LMTK2: variants seen among roughly 807,000 people sequenced by gnomAD.
LMTK2 encodes lemur tail kinase 2.
LMTK2 carries 37 observed loss-of-function variants against 127.5 expected under a neutral mutation model. The ratio of observed to expected loss-of-function variants is 0.29; its 90% confidence interval spans 0.22 to 0.38. LMTK2 has a LOEUF of 0.38. Among genes scored for constraint, LMTK2 ranks in the 10% least tolerant of loss-of-function variants. The probability of loss-of-function intolerance (pLI) is 1.00; values close to 1 mark genes in which losing one functional copy is unlikely to be tolerated. For missense variants in LMTK2, 1,694 were observed against 1,920.3 expected (o/e 0.88, Z 2.20); for synonymous variants, 819 against 810.1 (o/e 1.01, Z -0.19).
rs376886429 is a variant in LMTK2, at chr7:98,154,825, G to A, written c.518G>A (p.Ser173Asn). 10 of 1,613,730 alleles carry A rather than the reference G, an allele frequency of 6.2e-6. No homozygotes were observed. The highest frequency in any genetic ancestry group is 8.5e-6 in the Non-Finnish European group (10 of 1,179,746). ...ARVIVKELKA[S>N]ANPKEQDTFL... The stretch of plus-strand genomic sequence containing the variant: ...GTCATCGTGAAGGAGTTAAAAGCAA[G>A]TGCCAACCCAAAGGAACAAGATACT... The change falls in exon 5 of 14, where the codon AGT (serine) becomes AAT (asparagine). Residue 173 changes from serine (S) to asparagine (N), a missense_variant. Ser to Asn is a conservative substitution (Grantham distance 46, BLOSUM62 1). Around this residue, in one of 8 missense-constraint regions of LMTK2, gnomAD observed 203 missense variants for 226.2 expected, o/e 0.90. Transcript: ENST00000297293.
At chr7:98,135,731 A>G (rs1377186235) in intron 1 of LMTK2, among the ~76,000 whole-genome samples, 2 of 152,174 alleles carry the variant, frequency 1.3e-5, no homozygotes, top group Admixed American at 6.5e-5. Context: ...GTTGAATAAT[A>G]TGTTTTCCGG....
rs770403837 is a variant in LMTK2 at position 98,151,402 on chromosome 7, G to A, written c.397G>A (p.Ala133Thr). The A allele has an allele frequency of 6.2e-7, 1 of 1,612,898 alleles. No individual in the cohort carries two copies. Among genetic ancestry groups the A allele is most frequent in the Non-Finnish European group, 8.5e-7 (1 of 1,179,298 alleles). ...PSVEGLKSQV[A>T]RHSLNYIQEI... is the part of the protein sequence containing the mutation. ...TACAGAGGGATTGAAGTCTCAAGTT[G>A]CCCGCCACAGTCTAAACTACATACA... The change falls in exon 4 of 14, where the codon GCC (alanine) becomes ACC (threonine). Residue 133 changes from alanine to threonine, a missense_variant. Transcript: ENST00000297293.
intron 1 of LMTK2, among the ~76,000 whole-genome samples, chr7:98,128,638 A>G (rs1796477412): frequency 6.6e-6 from 1 of 152,192 alleles, no homozygotes; most frequent in African/African-American, 2.4e-5. Context: ...ACACGTTGGC[A>G]TAGAGGTCCG....
Position 98,145,670 on chromosome 7 carries a change from T to A in LMTK2, c.376+4129T>A, listed in dbSNP as rs951882964. Among the ~76,000 whole-genome samples the A allele has an allele frequency of 5.9e-5, 9 of 152,310 alleles. No homozygotes were observed. The East Asian group carries it at 1.5e-3, about 26-fold the overall frequency. On this transcript the variant is annotated intron_variant, in intron 3 of 13. Coordinates refer to ENST00000297293, the MANE Select transcript of LMTK2 (RefSeq NM_014916.4). ...AGGCTTTCTATTCTCTGTCATTAAT[T>A]TGTGTATTTCTTTTCCCAATACCAT...
intron 1 of LMTK2, among the ~76,000 whole-genome samples, chr7:98,113,729 C>G (rs1796237215): frequency 6.6e-6 from 1 of 152,176 alleles, no homozygotes; most frequent in South Asian, 2.1e-4. Flanking sequence ...ATTCCATTAT[C>G]AGCTTTTCTT....
chr7:98,152,200 A>G, intron 4 of LMTK2, among the ~76,000 whole-genome samples: 1 of 152,176 alleles, frequency 6.6e-6, no homozygotes, highest in Admixed American at 6.5e-5. Flanking sequence ...TAGCCCGTCA[A>G]GTGGCCTGTA....
At chr7:98,111,876 G>A (rs1293269076) in intron 1 of LMTK2, among the ~76,000 whole-genome samples, 1 of 152,176 alleles carries the variant, frequency 6.6e-6, no homozygotes, top group East Asian at 1.9e-4. Context: ...AGTCTAAGCT[G>A]GTATTGTTAC....
chr7:98,120,858 C>T (rs985026870), intron 1 of LMTK2, among the ~76,000 whole-genome samples: 1 of 152,116 alleles, frequency 6.6e-6, no homozygotes, highest in African/African-American at 2.4e-5. Context: ...ACCAAAATAG[C>T]CCCCTGGGAA....
At chr7:98,187,135 G>C (rs1797447868) in intron 9 of LMTK2, 137 bp downstream of exon 9, 2 of 786,766 alleles carry the variant, frequency 2.5e-6, no homozygotes, top group Non-Finnish European at 3.9e-6. Flanking sequence ...GAAAAAGACA[G>C]TTTAAAAGAC....
Position 98,209,398 on chromosome 7 carries a change from G to A in LMTK2, c.*3906G>A, listed in dbSNP as rs1246228330. The A allele has an allele frequency of 2.6e-5, 4 of 152,192 alleles. No individual in the cohort carries two copies. Among genetic ancestry groups the A allele is most frequent in the Non-Finnish European group, 4.4e-5 (3 of 68,030 alleles). The allele number at this position is 152,192 out of a possible 1,614,324, so 9.4% of individuals were successfully genotyped here. On this transcript the variant is annotated 3_prime_UTR_variant, in exon 14 of 14. Transcript: ENST00000297293. Reference sequence around the variant, plus strand: ...GTGTATGGATCCACCGTCGGATTCCGTCTGCAGAGGAGGACGTAGGGGGCC... The same window carrying A: ...GTGTATGGATCCACCGTCGGATTCCATCTGCAGAGGAGGACGTAGGGGGCC...
rs1327005441 is a variant in LMTK2 at position 98,209,142 on chromosome 7, G to A, written c.*3650G>A. 1.3e-5 allele frequency: 2 copies of A among 152,318 alleles called. No homozygotes were observed. The highest frequency in any genetic ancestry group is 2.9e-5 in the Non-Finnish European group (2 of 68,034). 9.4% of individuals were successfully genotyped at this position (152,318 alleles called of 1,614,324 possible). On this transcript the variant is annotated 3_prime_UTR_variant, in exon 14 of 14. Transcript: ENST00000297293. ...AGCCTTAAAAAAAGAATGGGTATAC[G>A]CAGTGACTTCCGATGGAAATCTCCA...
In LMTK2 at chr7:98,194,811, T is replaced by TG. The variant is rs1411503149; in HGVS notation, c.4107+241dup. 2.0e-5 allele frequency among the ~76,000 whole-genome samples: 3 copies of TG among 152,254 alleles called. No homozygotes were observed. Among genetic ancestry groups the TG allele is most frequent in the Non-Finnish European group, 4.4e-5 (3 of 68,042 alleles). On this transcript the variant is annotated intron_variant, in intron 11 of 13. Transcript: ENST00000297293. The surrounding 1 kb of genome is among the most constrained non-coding windows in gnomAD (Gnocchi z 5.4). The stretch of plus-strand genomic sequence containing the variant: ...CGAATGCTCTTCCTGGGTCTTCTAA[T>TG]GGAGTCTTCCTGAATTAGTCACCCT...
Position 98,192,352 on chromosome 7 carries a change from G to A in LMTK2, c.1887G>A (p.Glu629=). ...PGDLHVTSGP[E]SPFNNIFNDV... is the part of the protein sequence containing the mutation. ...ACTTACACGTGACCAGTGGCCCCGA[G>A]AGCCCTTTCAACAATATATTTAATG... Residue 629 remains glutamate (E), a synonymous_variant, in exon 11 of 14, where the codon GAG becomes GAA. Coordinates refer to ENST00000297293, the MANE Select transcript of LMTK2 (RefSeq NM_014916.4). 1.3e-6 allele frequency: 2 copies of A among 1,587,454 alleles called. No homozygotes were observed. Among genetic ancestry groups the A allele is most frequent in the Non-Finnish European group, 8.5e-7 (1 of 1,170,742 alleles).
In LMTK2 at chr7:98,194,780, G is replaced by C. The variant is rs1053151766; in HGVS notation, c.4107+208G>C. On this transcript the variant is annotated intron_variant, in intron 11 of 13. Transcript: ENST00000297293. This position sits in a 1 kb window ranked among gnomAD's most constrained non-coding sequence, Gnocchi z 5.4. ...GGAGTTCGTATTAAATTAAGAGAAA[G>C]AGACCCGAATGCTCTTCCTGGGTCT... 6.6e-6 allele frequency among the ~76,000 whole-genome samples: 1 copy of C among 152,232 alleles called. No individual in the cohort carries two copies. The highest frequency in any genetic ancestry group is 1.5e-5 in the Non-Finnish European group (1 of 68,046).
chr7:98,187,612 TG>T (rs1232970235), intron 9 of LMTK2, among the ~76,000 whole-genome samples: 36 of 151,950 alleles, frequency 2.4e-4, no homozygotes, highest in African/African-American at 2.2e-4. Context: ...TTGTTGTTGT[TG>T]TTGTTGTTTT....
intron 2 of LMTK2, 37 bp downstream of exon 2, chr7:98,137,479 C>A (rs1244146238): frequency 1.3e-6 from 2 of 1,586,008 alleles, no homozygotes; most frequent in South Asian, 1.2e-5. Flanking sequence ...AAATGGTCTT[C>A]CAATATGTTT....
At chr7:98,180,879 A>C (rs925851555) in intron 7 of LMTK2, among the ~76,000 whole-genome samples, 1 of 151,890 alleles carries the variant, frequency 6.6e-6, no homozygotes, top group African/African-American at 2.4e-5. Flanking sequence ...ACAAGGAAAC[A>C]CTCTTTCAGG....
At chr7:98,140,279 TA>T (rs1280042552) in intron 2 of LMTK2, among the ~76,000 whole-genome samples, 2 of 151,600 alleles carry the variant, frequency 1.3e-5, no homozygotes, top group African/African-American at 4.9e-5. Flanking sequence ...TAGCCAGGAC[TA>T]CTCCAGTAGT....
intron 3 of LMTK2, among the ~76,000 whole-genome samples, chr7:98,142,984 G>C (rs990823341): frequency 1.3e-5 from 2 of 152,176 alleles, no homozygotes; most frequent in African/African-American, 4.8e-5. Context: ...CCTTTGGAGG[G>C]ACATTCTGGT....
Sources: allele counts gnomAD v4.1 joint callset (sites outside exome capture counted in the v4.1 genomes callset), GRCh38; gene constraint gnomAD v4.1.1; regional missense constraint gnomAD v4.1.1; non-coding constraint Gnocchi (gnomAD v3.1); transcripts MANE v1.5; gene names NCBI Gene and HGNC (gene_info 2026-07-23, HGNC 2026-07-21).